RSRC1: variants seen among roughly 807,000 people sequenced by gnomAD.
RSRC1 encodes the protein arginine and serine rich coiled-coil 1, also known as serine/Arginine-related protein 53.
RSRC1 carries 39 observed loss-of-function variants against 49.1 expected under a neutral mutation model. The observed-to-expected ratio is 0.79, with a 90% CI of 0.61 to 1.04. The LOEUF (loss-of-function observed/expected upper bound fraction) is 1.04. Ranked by LOEUF, RSRC1 falls within the 50% of genes least tolerant of loss-of-function variation. The pLI, the probability that RSRC1 is intolerant of heterozygous loss-of-function variation, is 0.00. For synonymous variants in RSRC1, 143 were observed against 130.8 expected (o/e 1.09, Z -0.63); for missense variants, 388 against 402.4 (o/e 0.96, Z 0.31).
At position 158,544,333 on chromosome 3, in the gene RSRC1, T is replaced by G. The variant is rs1413809543; in HGVS notation, c.*58T>G. 5.5e-6 allele frequency: 6 copies of G among 1,087,550 alleles called. 1 individual carries two copies. Among genetic ancestry groups the G allele is most frequent in the Middle Eastern group, 2.9e-4 (1 of 3,504 alleles). The allele number at this position is 1,087,550 out of a possible 1,614,324, so 67.4% of individuals were successfully genotyped here. ...CAGTAACATTGGAAATTTAGGTTTT[T>G]AAATCCCAATATTAACTTTTTACTC... On this transcript the variant is annotated 3_prime_UTR_variant, in exon 10 of 10. Coordinates refer to ENST00000611884, the MANE Select transcript of RSRC1 (RefSeq NM_001271838.2).
intron 1 of RSRC1, among the ~76,000 whole-genome samples, chr3:158,120,634 TAAAC>T (rs1715189929): frequency 1.4e-5 from 2 of 147,158 alleles, no homozygotes; most frequent in South Asian, 2.1e-4. Flanking sequence ...TATTTAATGT[TAAAC>T]ATACTATACA....
chr3:158,146,233 C>G (rs570745500), intron 3 of RSRC1, among the ~76,000 whole-genome samples: 1 of 152,100 alleles, frequency 6.6e-6, no homozygotes, highest in Non-Finnish European at 1.5e-5. Flanking sequence ...GCTTCCAGTT[C>G]TTGCCCATTC....
At chr3:158,239,393 A>G (rs891725595) in intron 4 of RSRC1, among the ~76,000 whole-genome samples, 9 of 152,240 alleles carry the variant, frequency 5.9e-5, no homozygotes, top group Admixed American at 5.2e-4. Context: ...TCATGCTACT[A>G]TAAAGACCCA....
At chr3:158,419,465 T>A (rs972222087) in intron 6 of RSRC1, among the ~76,000 whole-genome samples, 1 of 151,964 alleles carries the variant, frequency 6.6e-6, no homozygotes, top group Non-Finnish European at 1.5e-5. Context: ...TGAGTTCTGT[T>A]TTTGTTCATT....
At chr3:158,415,398 T>C (rs1313534423) in intron 6 of RSRC1, among the ~76,000 whole-genome samples, 2 of 152,038 alleles carry the variant, frequency 1.3e-5, no homozygotes, top group African/African-American at 4.8e-5. Context: ...ACTGTTACTG[T>C]TTGCCTTTTA....
chr3:158,413,384 C>T (rs1260747225), intron 6 of RSRC1, among the ~76,000 whole-genome samples: 2 of 152,050 alleles, frequency 1.3e-5, no homozygotes, highest in East Asian at 1.9e-4. Context: ...ACTATAAAAA[C>T]CCTAGAAGAA....
chr3:158,471,826 C>T (rs1433444886), intron 7 of RSRC1, among the ~76,000 whole-genome samples: 1 of 152,074 alleles, frequency 6.6e-6, no homozygotes. Flanking sequence ...ATCCAACCAA[C>T]GTAGACATTA....
chr3:158,225,584 T>A (rs1722484350), intron 4 of RSRC1: 2 of 359,258 alleles, frequency 5.6e-6, no homozygotes, highest in South Asian at 4.3e-5. Context: ...TGGAGGCAAT[T>A]AAAAGTTATA....
chr3:158,525,137 C>A (rs189877573), intron 7 of RSRC1, among the ~76,000 whole-genome samples: 36 of 151,936 alleles, frequency 2.4e-4, no homozygotes, highest in South Asian at 2.1e-4. Flanking sequence ...AAAGGCAAGT[C>A]ATAGAATGGA....
chr3:158,177,476 GT>G (rs1292181766), intron 3 of RSRC1, among the ~76,000 whole-genome samples: 1 of 152,170 alleles, frequency 6.6e-6, no homozygotes, highest in Non-Finnish European at 1.5e-5. Context: ...AAAATGGTGA[GT>G]TCATGTCCTT....
rs555322932 is a variant in RSRC1 at position 158,297,894 on chromosome 3, T to C, written c.495-145T>C. ...ATTATCTGTTCACTTTTGATAAAAA[T>C]TGTTTTGTCCTTAAAAACAGTGTTA... On this transcript the variant is annotated intron_variant, in intron 4 of 9. Coordinates refer to ENST00000611884, the MANE Select transcript of RSRC1 (RefSeq NM_001271838.2). 72 of 603,398 alleles carry C rather than the reference T, an allele frequency of 1.2e-4. No homozygotes were observed. In the African/African-American group the frequency reaches 1.3e-3, roughly 11 times the overall value. 37.4% of individuals were successfully genotyped at this position (603,398 alleles called of 1,614,324 possible).
At chr3:158,284,592 G>A (rs1015769911) in intron 4 of RSRC1, among the ~76,000 whole-genome samples, 10 of 144,876 alleles carry the variant, frequency 6.9e-5, no homozygotes, top group Non-Finnish European at 1.4e-4. Context: ...ATTCTAACTG[G>A]TGTGAGATGG....
intron 6 of RSRC1, among the ~76,000 whole-genome samples, chr3:158,424,282 G>A (rs1204155374): frequency 1.3e-5 from 2 of 151,644 alleles, no homozygotes; most frequent in East Asian, 1.9e-4. Context: ...AGAGTTTTTA[G>A]CATGAAGGGT....
chr3:158,348,696 T>C (rs1351172268), intron 5 of RSRC1, among the ~76,000 whole-genome samples: 1 of 152,114 alleles, frequency 6.6e-6, no homozygotes, highest in Non-Finnish European at 1.5e-5. Flanking sequence ...TATTGGACAT[T>C]GTACTCAGTA....
intron 7 of RSRC1, among the ~76,000 whole-genome samples, chr3:158,484,588 T>C (rs1738744518): frequency 6.6e-6 from 1 of 152,124 alleles, no homozygotes; most frequent in Admixed American, 6.6e-5. Context: ...AATATATGTA[T>C]ACATTCTAAT....
chr3:158,422,999 GCAAAAATTTTCTCC>G (rs904355434), intron 6 of RSRC1, among the ~76,000 whole-genome samples: 69 of 152,222 alleles, frequency 4.5e-4, no homozygotes, highest in African/African-American at 1.5e-3. Context: ...TGAGTAGGTT[GCAAAAATTTTCTCC>G]CATTCTGTAA....
chr3:158,459,354 G>A (rs555011428), intron 6 of RSRC1, among the ~76,000 whole-genome samples: 41 of 152,066 alleles, frequency 2.7e-4, no homozygotes, highest in Admixed American at 1.3e-3. Context: ...GTGCCCAGTT[G>A]GCCCAAGAGC....
intron 4 of RSRC1, among the ~76,000 whole-genome samples, chr3:158,212,469 G>A (rs1482435069): frequency 1.3e-5 from 2 of 151,692 alleles, no homozygotes; most frequent in African/African-American, 2.4e-5. Context: ...TTAAAAAATT[G>A]AATGTCACTG....
intron 3 of RSRC1, among the ~76,000 whole-genome samples, chr3:158,182,695 A>C (rs1348908642): frequency 6.6e-6 from 1 of 152,160 alleles, no homozygotes; most frequent in Admixed American, 6.5e-5. Context: ...CTCTGTGTTT[A>C]CGGAAAGAAG....
Sources: gnomAD v4.1 joint callset for allele counts (sites outside exome capture counted in the v4.1 genomes callset) on GRCh38, gnomAD v4.1.1 for gene constraint, MANE v1.5 for transcripts, NCBI Gene and HGNC (gene_info 2026-07-23, HGNC 2026-07-21) for gene names.